Variants in CLPTM1L observed in about 807,000 individuals in gnomAD.
CLPTM1L encodes the protein CLPTM1 like, also known as lipid scramblase CLPTM1L.
CLPTM1L carries 38 observed loss-of-function variants against 70.9 expected under a neutral mutation model. The observed-to-expected ratio is 0.54, with a 90% CI of 0.41 to 0.70. CLPTM1L has a LOEUF of 0.70. Ranked by LOEUF, CLPTM1L falls within the 30% of genes least tolerant of loss-of-function variation. The pLI, the probability that CLPTM1L is intolerant of heterozygous loss-of-function variation, is 0.00. For synonymous variants in CLPTM1L, 339 were observed against 299.9 expected (o/e 1.13, Z -1.35); for missense variants, 652 against 705.9 (o/e 0.92, Z 0.87).
chr5:1,325,166 A>T (rs1752442005), intron 10 of CLPTM1L: 3 of 365,172 alleles, frequency 8.2e-6, no homozygotes, highest in Non-Finnish European at 1.5e-5. Flanking sequence ...GCCATGGGGC[A>T]AGGTGGAACA....
In CLPTM1L at chr5:1,318,388, C is replaced by T. The variant is rs768575512; in HGVS notation, c.1598G>A (p.Arg533Gln). ...FGESYEEKAT[R>Q]APHTD is the part of the protein sequence containing the mutation. ...CGGCCTTCAGTCCGTGTGGGGCGCC[C>T]GCGTGGCCTTCTCCTCGTAGGACTC... The change falls in exon 17 of 17, where the codon CGG (arginine) becomes CAG (glutamine). Residue 533 changes from arginine to glutamine, a missense_variant. Arg to Gln is a conservative substitution (Grantham distance 43). Transcript: ENST00000320895. The surrounding 1 kb of genome is among the most constrained non-coding windows in gnomAD (Gnocchi z 8.9). 22 of 1,613,658 alleles carry T rather than the reference C, an allele frequency of 1.4e-5. No homozygotes were observed. The highest frequency in any genetic ancestry group is 5.5e-5 in the South Asian group (5 of 91,072).
intron 9 of CLPTM1L, chr5:1,326,292 C>A (rs762028422): frequency 1.2e-5 from 3 of 252,204 alleles, no homozygotes; most frequent in Admixed American, 1.1e-4. Context: ...GGAGCTCCAG[C>A]GTCATTTCAT....
chr5:1,318,535 T>G lies in CLPTM1L; in HGVS notation c.1533-82A>C. On this transcript the variant is annotated intron_variant, in intron 16 of 16. Coordinates refer to ENST00000320895, the MANE Select transcript of CLPTM1L (RefSeq NM_030782.5). The surrounding 1 kb of genome is among the most constrained non-coding windows in gnomAD (Gnocchi z 8.9). ...AGAGGAGGACTTGGCATCCTCGATT[T>G]ATTTTCCAGTGAGCTGCCACAGTGA... 8.8e-7 allele frequency: 1 copy of G among 1,137,224 alleles called. No homozygotes were observed. The highest frequency in any genetic ancestry group is 1.3e-6 in the Non-Finnish European group (1 of 760,782). 70.4% of individuals were successfully genotyped at this position (1,137,224 alleles called of 1,614,324 possible). A position where few individuals can be genotyped will look rare whatever the true frequency, so the allele number is the denominator to read the frequency against.
intron 9 of CLPTM1L, chr5:1,326,124 GCCTGCCACTCGGGCAGC>G: frequency 2.6e-6 from 1 of 384,274 alleles, no homozygotes; most frequent in Non-Finnish European, 4.7e-6. Flanking sequence ...ACCTACTTCT[GCCTGCCACTCGGGCAGC>G]CCTGGAGCCA....
chr5:1,328,394 T>TTCCAGCTCCTCCTCTACAGACACATTTCA (rs1752788622), intron 9 of CLPTM1L, among the ~76,000 whole-genome samples: 1 of 85,556 alleles, frequency 1.2e-5, no homozygotes, highest in African/African-American at 4.5e-5. Flanking sequence ...GGGACATTTC[T>TTCCAGCTCCTCCTCTACAGACACATTTCA]TCCAGCTCCT....
chr5:1,336,806 C>T (rs1033314059), intron 5 of CLPTM1L, among the ~76,000 whole-genome samples: 1 of 152,114 alleles, frequency 6.6e-6, no homozygotes, highest in African/African-American at 2.4e-5. Context: ...GTGAAGGAGG[C>T]AGTATGTTAG....
intron 7 of CLPTM1L, among the ~76,000 whole-genome samples, 169 bp downstream of exon 7, chr5:1,334,120 A>G (rs1353895041): frequency 6.6e-6 from 1 of 152,138 alleles, no homozygotes; most frequent in East Asian, 1.9e-4. Context: ...CACTGGGACA[A>G]TGGTCGCCTG....
intron 2 of CLPTM1L, among the ~76,000 whole-genome samples, chr5:1,344,087 C>CGG (rs1754117678): frequency 6.6e-6 from 1 of 152,232 alleles, no homozygotes; most frequent in African/African-American, 2.4e-5. Flanking sequence ...CCTGCTCCTT[C>CGG]GGAGCCTCCC....
intron 7 of CLPTM1L, among the ~76,000 whole-genome samples, chr5:1,333,034 G>C (rs1417941259): frequency 7.7e-6 from 1 of 130,052 alleles, no homozygotes; most frequent in East Asian, 2.5e-4. Context: ...CGGATAAGGG[G>C]GGACTACTGT....
At chr5:1,336,931 C>T (rs1357207852) in intron 5 of CLPTM1L, among the ~76,000 whole-genome samples, 1 of 152,182 alleles carries the variant, frequency 6.6e-6, no homozygotes, top group Non-Finnish European at 1.5e-5. Context: ...CTCGCTTCTC[C>T]GTTTCCCAGC....
In CLPTM1L at chr5:1,322,878, G is replaced by A. The variant is rs115028409; in HGVS notation, c.1314C>T (p.Asn438=). The change falls in exon 13 of 17, where the codon AAC becomes AAT. Residue 438 remains asparagine, a splice_region_variant and synonymous_variant. Coordinates refer to ENST00000320895, the MANE Select transcript of CLPTM1L (RefSeq NM_030782.5). ...AAGCAGGGAAGCACATGGACTCACCGTTGACGAAGCTGTTGATTAACCAGG... is the reference window on the plus strand; with the variant it reads ...AAGCAGGGAAGCACATGGACTCACCATTGACGAAGCTGTTGATTAACCAGG... ...WYSWLINSFV[N]GVYAFGFLFM... is the part of the protein sequence containing the mutation. The A allele has an allele frequency of 8.1e-4, 1,307 of 1,613,986 alleles. 5 individuals are homozygous for A. The African/African-American group carries it at 0.013, about 16-fold the overall frequency.
At position 1,337,921 on chromosome 5, in the gene CLPTM1L, G is replaced by A. The variant is rs867162034; in HGVS notation, c.661C>T (p.Arg221Cys). Reference sequence around the variant, plus strand: ...TCACTCACCATCAGGTCCTTCACGCGGTTGCTGAGCTGGTCGATGAACAGG... The same window carrying A: ...TCACTCACCATCAGGTCCTTCACGCAGTTGCTGAGCTGGTCGATGAACAGG... ...PILFIDQLSNRVKDLMVINRS... is the reference protein window; with the variant it reads ...PILFIDQLSNCVKDLMVINRS... The change falls in exon 5 of 17, where the codon CGC becomes TGC. Residue 221 changes from arginine to cysteine, a missense_variant. Coordinates refer to ENST00000320895, the MANE Select transcript of CLPTM1L (RefSeq NM_030782.5). 6.9e-6 allele frequency: 11 copies of A among 1,603,602 alleles called. No homozygotes were observed. Among genetic ancestry groups the A allele is most frequent in the African/African-American group, 5.3e-5 (4 of 74,880 alleles).
At position 1,318,427 on chromosome 5, in the gene CLPTM1L, A is replaced by G. The variant is rs1181807346; in HGVS notation, c.1559T>C (p.Val520Ala). The change falls in exon 17 of 17, where the codon GTG becomes GCG. Residue 520 changes from valine (V) to alanine (A), a missense_variant. Val to Ala is a moderately conservative substitution (Grantham distance 64). Around this residue, in one of 3 missense-constraint regions of CLPTM1L, gnomAD observed 240 missense variants for 295.0 expected, o/e 0.81. Transcript: ENST00000320895. The surrounding 1 kb of genome is among the most constrained non-coding windows in gnomAD (Gnocchi z 8.9). ...CTCGTAGGACTCCCCAAACTCGTTC[A>G]CTCTGCGTTTATCCACAGGATAAAG... ...RWLYPVDKRR[V>A]NEFGESYEEK... 6.2e-7 allele frequency: 1 copy of G among 1,613,822 alleles called. No homozygotes were observed.
intron 16 of CLPTM1L, among the ~76,000 whole-genome samples, chr5:1,319,403 C>T (rs962649480): frequency 2.0e-5 from 3 of 151,290 alleles, no homozygotes; most frequent in South Asian, 2.1e-4. Flanking sequence ...TGGGCAAGGG[C>T]GGCCATGAGC....
chr5:1,344,503 C>G (rs1358160765), intron 1 of CLPTM1L, 52 bp from the exon 2 acceptor site: 1 of 1,541,640 alleles, frequency 6.5e-7, no homozygotes, highest in African/African-American at 1.4e-5. Context: ...TGGCAGGACG[C>G]ACTCAAATCC....
At chr5:1,321,914 C>G (rs1251224289) in intron 13 of CLPTM1L, 95 bp from the exon 14 acceptor site, 3 of 1,124,026 alleles carry the variant, frequency 2.7e-6, no homozygotes, top group Non-Finnish European at 2.6e-6. Context: ...GGCCGAGCTG[C>G]CACGTCTATG....
Position 1,344,683 on chromosome 5 carries a change from C to T in CLPTM1L, c.159G>A (p.Leu53=), listed in dbSNP as rs780558064. The change falls in exon 1 of 17, where the codon CTG becomes CTA. Residue 53 remains leucine, a synonymous_variant. Coordinates refer to ENST00000320895, the MANE Select transcript of CLPTM1L (RefSeq NM_030782.5). ...CCCCGGCCCCGCGGACGCTCACCTG[C>T]AGCTTGGGCCGCCGCGCCAGGTAGG... ...IQPYLARRPK[L]QLSVYTTTRS... 3.1e-5 allele frequency: 48 copies of T among 1,557,836 alleles called. No homozygotes were observed. The South Asian group carries it at 5.2e-4, about 17-fold the overall frequency.
At chr5:1,329,371 A>T (rs1240988843) in intron 9 of CLPTM1L, among the ~76,000 whole-genome samples, 1 of 152,242 alleles carries the variant, frequency 6.6e-6, no homozygotes, top group Non-Finnish European at 1.5e-5. Flanking sequence ...ACATGGTGGG[A>T]TTTCTCAAGC....
rs752379032 is a variant in CLPTM1L at position 1,341,751 on chromosome 5, G to A, written c.373C>T (p.His125Tyr). 5 of 1,614,084 alleles carry A rather than the reference G, an allele frequency of 3.1e-6. No individual in the cohort carries two copies. In the South Asian group the frequency reaches 5.5e-5, roughly 18 times the overall value. The stretch of plus-strand genomic sequence containing the variant: ...TAGGTGGTCAGAGGACTGACCAGGT[G>A]CACCTGCTTCCCGTCGTGCCACGGC... ...VLPWHDGKQV[H>Y]LVSPLTTYMV... Residue 125 changes from histidine to tyrosine, a missense_variant, in exon 3 of 17, where the codon CAC becomes TAC. His to Tyr is a moderately conservative substitution (Grantham distance 83). Transcript: ENST00000320895.
Sources: gnomAD v4.1 joint callset for allele counts (sites outside exome capture counted in the v4.1 genomes callset) on GRCh38, gnomAD v4.1.1 for gene constraint, gnomAD v4.1.1 regional missense constraint, Gnocchi (gnomAD v3.1) non-coding constraint, MANE v1.5 for transcripts, NCBI Gene and HGNC (gene_info 2026-07-23, HGNC 2026-07-21) for gene names.